The following FRMPD4 variants were observed in gnomAD, a reference collection of about 807,000 sequenced individuals.
FRMPD4 encodes the protein FERM and PDZ domain containing 4.
FRMPD4 carries 22 observed loss-of-function variants against 94.1 expected under a neutral mutation model. That is an observed-to-expected ratio of 0.23 (90% CI 0.17 to 0.33). The LOEUF (loss-of-function observed/expected upper bound fraction) is 0.33. FRMPD4 is among the 10% of genes least tolerant of loss of function. The pLI is 1.00. For synonymous variants in FRMPD4, 631 were observed against 548.6 expected (o/e 1.15, Z -2.10); for missense variants, 1,111 against 1,339.9 (o/e 0.83, Z 2.67).
chrX:12,006,916 G>A (rs934260070), intron 3 of FRMPD4, among the ~76,000 whole-genome samples: 1 of 111,822 alleles, frequency 8.9e-6, no homozygotes, highest in East Asian at 2.8e-4. Context: ...GAGGGTATAT[G>A]AGTCCAGGTC....
chrX:12,581,475 A>T (rs1476431547), intron 2 of FRMPD4, among the ~76,000 whole-genome samples: 10 of 112,443 alleles, frequency 8.9e-5, no homozygotes, highest in Non-Finnish European at 1.7e-4. Flanking sequence ...GTATAACATG[A>T]TTAAGATTCA....
At chrX:12,182,559 A>AAAAT (rs10647183) in intron 1 of FRMPD4, among the ~76,000 whole-genome samples, 18,364 of 101,558 alleles carry the variant, frequency 0.18, 1,898 homozygotes, top group East Asian at 0.71. Context: ...TAGGAGGGGG[A>AAAAT]AAATAAATAA....
At chrX:12,313,542 A>G (rs777883126) in intron 1 of FRMPD4, among the ~76,000 whole-genome samples, 21 of 112,759 alleles carry the variant, frequency 1.9e-4, no homozygotes, top group Non-Finnish European at 3.4e-4. Flanking sequence ...GAATCAACAG[A>G]TAGGAGGAAT....
chrX:12,443,159 G>A (rs930168500), intron 1 of FRMPD4, among the ~76,000 whole-genome samples: 2 of 111,637 alleles, frequency 1.8e-5, no homozygotes, highest in African/African-American at 6.5e-5. Context: ...AATAGAAAGT[G>A]GTGATGGTTG....
At position 12,337,742 on chromosome X, in the gene FRMPD4, T is replaced by C. The variant is rs982525523; in HGVS notation, c.42-160938T>C. ...GGCAGTTGGTGAAAATAGTTTTTTA[T>C]ATGGTTAGATTGTTTTACTGTTAGT... is the stretch of plus-strand genomic sequence containing the variant. On this transcript the variant is annotated intron_variant, in intron 1 of 16. Transcript: ENST00000675598. Among the ~76,000 whole-genome samples the C allele has an allele frequency of 6.2e-5, 7 of 112,334 alleles. No homozygotes were observed. The East Asian group carries it at 1.7e-3, about 27-fold the overall frequency.
intron 1 of FRMPD4, among the ~76,000 whole-genome samples, chrX:12,454,666 AAAG>A (rs2057312489): frequency 2.7e-5 from 3 of 111,177 alleles, no homozygotes; most frequent in South Asian, 3.8e-4. Flanking sequence ...ATGTGTTCTA[AAAG>A]AAGAACTCAG....
intron 3 of FRMPD4, among the ~76,000 whole-genome samples, chrX:11,946,825 G>C (rs1054348093): frequency 1.8e-5 from 2 of 111,426 alleles, no homozygotes; most frequent in African/African-American, 6.5e-5. Flanking sequence ...AGCCATCAGT[G>C]CTTTTAGTTC....
rs151079505 is a variant in FRMPD4, at chrX:12,718,564, C to T, written c.3738C>T (p.His1246=). ...CGCTCTGCCCCTCCCTGGGGAAGCA[C>T]TTGATTCCTGACGCTTCTGGGAAAG... ...ESPLCPSLGK[H]LIPDASGKGV... Residue 1246 remains histidine (H), a synonymous_variant, in exon 16 of 17, where the codon CAC becomes CAT. Coordinates refer to ENST00000675598, the MANE Select transcript of FRMPD4 (RefSeq NM_001368397.1). 1.2e-4 allele frequency: 146 copies of T among 1,206,835 alleles called. No homozygotes were observed. In the African/African-American group the frequency reaches 2.1e-3, roughly 17 times the overall value.
chrX:12,607,825 C>T (rs1402704065), intron 2 of FRMPD4, among the ~76,000 whole-genome samples: 4 of 112,122 alleles, frequency 3.6e-5, no homozygotes, highest in Non-Finnish European at 5.6e-5. Flanking sequence ...AAAGACACTT[C>T]CTTTCTGTTT....
chrX:12,169,979 A>G (rs1047477247), intron 1 of FRMPD4, among the ~76,000 whole-genome samples: 1 of 112,015 alleles, frequency 8.9e-6, no homozygotes, highest in African/African-American at 3.2e-5. Context: ...CCTGTGATCT[A>G]AGTGATAAAC....
chrX:12,024,149 TGAAA>T (rs1473609427), intron 3 of FRMPD4, among the ~76,000 whole-genome samples: 3 of 112,243 alleles, frequency 2.7e-5, no homozygotes, highest in African/African-American at 9.7e-5. Context: ...AGCTAAGCTC[TGAAA>T]GATTGTCTTT....
intron 1 of FRMPD4, among the ~76,000 whole-genome samples, chrX:12,140,967 C>T (rs185228421): frequency 1.8e-5 from 2 of 111,971 alleles, no homozygotes; most frequent in African/African-American, 6.5e-5. Context: ...ATTAAGAAAT[C>T]TTCCATCCAT....
intron 2 of FRMPD4, among the ~76,000 whole-genome samples, chrX:12,607,264 A>C (rs1051413436): frequency 9.0e-6 from 1 of 111,129 alleles, no homozygotes; most frequent in African/African-American, 3.3e-5. Flanking sequence ...CTCTTCATCC[A>C]TCCCAAGCAT....
intron 3 of FRMPD4, among the ~76,000 whole-genome samples, chrX:11,961,761 A>G (rs917413418): frequency 9.0e-6 from 1 of 111,572 alleles, no homozygotes; most frequent in Non-Finnish European, 1.9e-5. Flanking sequence ...CAAAGAAATT[A>G]GCCAGCTCAA....
chrX:12,663,576 A>G (rs2059741505), intron 4 of FRMPD4, among the ~76,000 whole-genome samples: 1 of 112,156 alleles, frequency 8.9e-6, no homozygotes, highest in African/African-American at 3.2e-5. Context: ...TACCAGTACC[A>G]TGCTGTTTTG....
intron 3 of FRMPD4, among the ~76,000 whole-genome samples, chrX:11,974,028 A>G (rs181444766): frequency 8.9e-6 from 1 of 111,749 alleles, no homozygotes; most frequent in East Asian, 2.8e-4. Context: ...ATCTGGAGTG[A>G]GTGGTTTCGA....
chrX:11,956,782 A>G (rs893917415), intron 3 of FRMPD4, among the ~76,000 whole-genome samples: 4 of 112,230 alleles, frequency 3.6e-5, no homozygotes, highest in Non-Finnish European at 7.5e-5. Context: ...GAGAGAACTG[A>G]GGTAGAATTG....
chrX:12,132,093 G>T (rs774527011), intron 3 of FRMPD4, among the ~76,000 whole-genome samples: 19 of 111,723 alleles, frequency 1.7e-4, no homozygotes, highest in Non-Finnish European at 3.0e-4. Context: ...CAGCTAGTAG[G>T]CCATCGCAAT....
At chrX:12,438,815 G>T (rs2057099750) in intron 1 of FRMPD4, among the ~76,000 whole-genome samples, 1 of 111,517 alleles carries the variant, frequency 9.0e-6, no homozygotes, top group Admixed American at 9.5e-5. Flanking sequence ...GAAGTAGTAA[G>T]AATAAAGGAA....
Sources: allele counts gnomAD v4.1 joint callset (sites outside exome capture counted in the v4.1 genomes callset), GRCh38; gene constraint gnomAD v4.1.1; transcripts MANE v1.5; gene names NCBI Gene and HGNC (gene_info 2026-07-23, HGNC 2026-07-21).